IFI27L2: variants seen among roughly 807,000 people sequenced by gnomAD.
IFI27L2 encodes the protein interferon alpha inducible protein 27 like 2, also known as interferon alpha-inducible protein 27-like protein 2.
Under a neutral mutation model 7.9 loss-of-function variants are expected in IFI27L2, and 8 were observed. The ratio of observed to expected loss-of-function variants is 1.02; its 90% confidence interval spans 0.60 to 1.84. IFI27L2 has a LOEUF of 1.84. IFI27L2 is among the 40% of genes most tolerant of loss of function. IFI27L2 has a pLI of 0.00. For missense variants in IFI27L2, 190 were observed against 165.8 expected (o/e 1.15, Z -0.80); for synonymous variants, 56 against 66.5 (o/e 0.84, Z 0.77).
At position 94,127,944 on chromosome 14, in the gene IFI27L2, C is replaced by A; in HGVS notation, c.248G>T (p.Gly83Val). 6.2e-7 allele frequency: 1 copy of A among 1,613,876 alleles called. No individual in the cohort carries two copies. The highest frequency in any genetic ancestry group is 8.5e-7 in the Non-Finnish European group (1 of 1,179,910). ...TSSNILLASV[G>V]SVLGACLGNS... ...CCCCAAGCAGGCCCCCAACACTGAC[C>A]CAACAGAGGCCAGGAGGATGTTGGA... The change falls in exon 4 of 4, where the codon GGG becomes GTG. Residue 83 changes from glycine (G) to valine (V), a missense_variant. Transcript: ENST00000238609.
Position 94,127,805 on chromosome 14 carries a change from C to T in IFI27L2, c.387G>A (p.Glu129=), listed in dbSNP as rs1291681703. 5 of 1,613,170 alleles carry T rather than the reference C, an allele frequency of 3.1e-6. No individual in the cohort carries two copies. The highest frequency in any genetic ancestry group is 3.3e-5 in the Admixed American group (2 of 60,010). The change falls in exon 4 of 4, where the codon GAG becomes GAA. Residue 129 remains glutamate (E), a synonymous_variant. Transcript: ENST00000238609. Reference sequence around the variant, plus strand: ...ATGCATCTGCATGTGACCTTTATTCCTCATGTTTCTCTGACTTGAGTGGGG... The same window carrying T: ...ATGCATCTGCATGTGACCTTTATTCTTCATGTTTCTCTGACTTGAGTGGGG... The part of the protein sequence containing the change: ...PKPPLKSEKH[E]E
intron 3 of IFI27L2, chr14:94,128,228 G>A (rs1887620505): frequency 3.4e-6 from 2 of 589,956 alleles, no homozygotes; most frequent in Non-Finnish European, 6.0e-6. Context: ...GGCCACTGAG[G>A]CCCAGAGAGG....
chr14:94,129,515 C>T (rs762310910), intron 1 of IFI27L2, 43 bp downstream of exon 1: 2 of 1,589,192 alleles, frequency 1.3e-6, no homozygotes, highest in Non-Finnish European at 1.7e-6. Context: ...GGGAAGCCTG[C>T]CCCCAGCCCA....
chr14:94,128,969 G>C (rs879813850), intron 2 of IFI27L2: 1 of 583,538 alleles, frequency 1.7e-6, no homozygotes, highest in African/African-American at 1.9e-5. Context: ...GTGTGTGTGT[G>C]TGTGTGTCCA....
chr14:94,128,264 A>C, intron 3 of IFI27L2: 1 of 594,884 alleles, frequency 1.7e-6, no homozygotes. Context: ...CAGGTCACCC[A>C]GGTGTCAGAA....
rs959889980 is a variant in IFI27L2, at chr14:94,128,050, C to G, written c.200-58G>C. 4 of 1,196,710 alleles carry G rather than the reference C, an allele frequency of 3.3e-6. No homozygotes were observed. In the Middle Eastern group the frequency reaches 8.4e-4, roughly 252 times the overall value. 74.1% of individuals were successfully genotyped at this position (1,196,710 alleles called of 1,614,324 possible). On this transcript the variant is annotated intron_variant, in intron 3 of 3. Transcript: ENST00000238609. ...CGGGCAGTGGCCCAGAAATCCCACCCGGATCCCTCCTCCAGGTCCTGAAAA... is the reference window on the plus strand; with the variant it reads ...CGGGCAGTGGCCCAGAAATCCCACCGGGATCCCTCCTCCAGGTCCTGAAAA...
At position 94,128,542 on chromosome 14, in the gene IFI27L2, C is replaced by T; in HGVS notation, c.171G>A (p.Gly57=). Residue 57 remains glycine, a synonymous_variant, in exon 3 of 4, where the codon GGG becomes GGA. Transcript: ENST00000238609. ...CGGACTGCAGAGTAGCCACCAGGCT[C>T]CCCGCAGAAACACCACCCCCGTTGG... is the stretch of plus-strand genomic sequence containing the variant. ...AIANGGGVSA[G]SLVATLQSVG... 1 of 1,614,198 alleles carries T rather than the reference C, an allele frequency of 6.2e-7. No homozygotes were observed. Among genetic ancestry groups the T allele is most frequent in the Non-Finnish European group, 8.5e-7 (1 of 1,180,016 alleles).
rs1465553959 is a variant in IFI27L2 at position 94,127,926 on chromosome 14, C to T, written c.266G>A (p.Cys89Tyr). Residue 89 changes from cysteine (C) to tyrosine (Y), a missense_variant, in exon 4 of 4, where the codon TGC becomes TAC. By Grantham distance (194) the Cys-to-Tyr change is radical. Coordinates refer to ENST00000238609, the MANE Select transcript of IFI27L2 (RefSeq NM_032036.3). ...LASVGSVLGA[C>Y]LGNSPSSSLP... is the part of the protein sequence containing the mutation. ...AGAAGAAGAAGGTGAATTCCCCAAG[C>T]AGGCCCCCAACACTGACCCAACAGA... 2 of 1,613,956 alleles carry T rather than the reference C, an allele frequency of 1.2e-6. No homozygotes were observed. The highest frequency in any genetic ancestry group is 1.7e-4 in the Middle Eastern group (1 of 6,020).
In IFI27L2 at chr14:94,129,302, A is replaced by T; in HGVS notation, c.8-11T>A. 4.1e-6 allele frequency: 6 copies of T among 1,460,164 alleles called. No individual in the cohort carries two copies. Among genetic ancestry groups the T allele is most frequent in the South Asian group, 1.1e-5 (1 of 88,804 alleles). 90.5% of individuals were successfully genotyped at this position (1,460,164 alleles called of 1,614,324 possible). A position where few individuals can be genotyped will look rare whatever the true frequency, so the allele number is the denominator to read the frequency against. On this transcript the variant is annotated splice_polypyrimidine_tract_variant and intron_variant, in intron 1 of 3. Coordinates refer to ENST00000238609, the MANE Select transcript of IFI27L2 (RefSeq NM_032036.3). ...CAGCAGCTGCCCGTTCTAGAGAGAG[A>T]GTGCCAGGGGAAGGCAGAGGGAGAT...
chr14:94,129,561 T>C lies in IFI27L2; in HGVS notation c.4A>G (p.Met2Val). The stretch of plus-strand genomic sequence containing the variant: ...CCCCTGGGGAAGCAAGACTCACTCA[T>C]CATGGTGAGGCCGTCCGGGTCCCAA... MMKRAAAAAVGG... is the reference protein window; with the variant it reads MVKRAAAAAVGG... The change falls in exon 1 of 4, where the codon ATG (methionine) becomes GTG (valine). Residue 2 changes from methionine to valine, a missense_variant. By Grantham distance (21) the Met-to-Val change is conservative. Transcript: ENST00000238609. 3.1e-6 allele frequency: 5 copies of C among 1,613,594 alleles called. No homozygotes were observed. The highest frequency in any genetic ancestry group is 1.3e-5 in the African/African-American group (1 of 74,910).
intron 1 of IFI27L2, 43 bp downstream of exon 1, chr14:94,129,515 C>A (rs762310910): frequency 3.8e-6 from 6 of 1,589,192 alleles, no homozygotes; most frequent in Non-Finnish European, 4.3e-6. Context: ...GGGAAGCCTG[C>A]CCCCAGCCCA....
At chr14:94,129,208 G>C in intron 2 of IFI27L2, 54 bp downstream of exon 2, 1 of 1,485,136 alleles carries the variant, frequency 6.7e-7, no homozygotes, top group East Asian at 2.3e-5. Flanking sequence ...TCTCCCAGCA[G>C]CCCGGGGACC....
Position 94,127,978 on chromosome 14 carries a change from A to C in IFI27L2, c.214T>G (p.Ser72Ala), listed in dbSNP as rs199685581. The change falls in exon 4 of 4, where the codon TCC (serine) becomes GCC (alanine). Residue 72 changes from serine (S) to alanine (A), a missense_variant. Transcript: ENST00000238609. ...GCCAGGAGGATGTTGGATGATGTGG[A>C]GAGTCCAGCTGCCCCTGTGGAGGAG... ...TLQSVGAAGL[S>A]TSSNILLASV... The C allele has an allele frequency of 1.9e-6, 3 of 1,612,936 alleles. No individual in the cohort carries two copies. The East Asian group carries it at 6.7e-5, about 36-fold the overall frequency.
chr14:94,128,975 G>C lies in IFI27L2; in HGVS notation c.37+287C>G, dbSNP rs905178038. On this transcript the variant is annotated intron_variant, in intron 2 of 3. Coordinates refer to ENST00000238609, the MANE Select transcript of IFI27L2 (RefSeq NM_032036.3). ...TGTGTGTGTGTGTGTGTGTGTGTGTGTCCACGCATAAATGTGAAATAAGCC... is the reference window on the plus strand; with the variant it reads ...TGTGTGTGTGTGTGTGTGTGTGTGTCTCCACGCATAAATGTGAAATAAGCC... 7.0e-6 allele frequency: 4 copies of C among 568,110 alleles called. No individual in the cohort carries two copies. The South Asian group carries it at 9.1e-5, about 13-fold the overall frequency. 35.2% of individuals were successfully genotyped at this position (568,110 alleles called of 1,614,324 possible). A position where few individuals can be genotyped will look rare whatever the true frequency, so the allele number is the denominator to read the frequency against.
rs376486792 is a variant in IFI27L2 at position 94,128,636 on chromosome 14, A to G, written c.77T>C (p.Met26Thr). 6 of 1,613,778 alleles carry G rather than the reference A, an allele frequency of 3.7e-6. No individual in the cohort carries two copies. Among genetic ancestry groups the G allele is most frequent in the Non-Finnish European group, 5.1e-6 (6 of 1,179,850 alleles). ...VGAVPVVLSAMGFTGAGIAAS... is the reference protein window; with the variant it reads ...VGAVPVVLSATGFTGAGIAAS... Reference sequence around the variant, plus strand: ...GGCGATTCCTGCCCCAGTGAAGCCCATGGCACTGAGCACCACGGGCACAGC... The same window carrying G: ...GGCGATTCCTGCCCCAGTGAAGCCCGTGGCACTGAGCACCACGGGCACAGC... The change falls in exon 3 of 4, where the codon ATG becomes ACG. Residue 26 changes from methionine to threonine, a missense_variant. Physicochemically the swap from Met to Thr is moderately conservative, Grantham distance 81. Transcript: ENST00000238609.
chr14:94,129,409 G>A (rs1262404499), intron 1 of IFI27L2, 118 bp from the exon 2 acceptor site: 1 of 1,031,822 alleles, frequency 9.7e-7, no homozygotes, highest in Non-Finnish European at 1.5e-6. Context: ...GGAAGGGAAG[G>A]GGAGGGAGGA....
Position 94,128,639 on chromosome 14 carries a change from G to A in IFI27L2, c.74C>T (p.Ala25Val). The A allele has an allele frequency of 6.2e-7, 1 of 1,613,800 alleles. No homozygotes were observed. Among genetic ancestry groups the A allele is most frequent in the Non-Finnish European group, 8.5e-7 (1 of 1,179,844 alleles). ...GATTCCTGCCCCAGTGAAGCCCATG[G>A]CACTGAGCACCACGGGCACAGCCCC... is the stretch of plus-strand genomic sequence containing the variant. ...AVGAVPVVLS[A>V]MGFTGAGIAA... is the part of the protein sequence containing the mutation. The change falls in exon 3 of 4, where the codon GCC becomes GTC. Residue 25 changes from alanine (A) to valine (V), a missense_variant. By Grantham distance (64) the Ala-to-Val change is moderately conservative (BLOSUM62 0). Transcript: ENST00000238609.
intron 2 of IFI27L2, chr14:94,128,907 G>A: frequency 1.7e-6 from 1 of 596,238 alleles, no homozygotes; most frequent in Non-Finnish European, 3.0e-6. Flanking sequence ...CTTGCTGTGT[G>A]ATGCTGAGGA....
intron 2 of IFI27L2, chr14:94,128,945 TTGTG>T (rs60745025): frequency 5.3e-3 from 2,767 of 521,144 alleles, no homozygotes; most frequent in South Asian, 6.9e-3. Flanking sequence ...GGTCTCAAAT[TTGTG>T]TGTGTGTGTG....
Sources: allele counts gnomAD v4.1 joint callset, GRCh38; gene constraint gnomAD v4.1.1; transcripts MANE v1.5; gene names NCBI Gene and HGNC (gene_info 2026-07-23, HGNC 2026-07-21).